Variants in ARK2N observed in about 807,000 individuals in gnomAD.
The protein encoded by ARK2N is arkadia (RNF111) N-terminal like PKA signaling regulator 2N.
At chr18:46,176,736 G>T in the ARK2N span, among the ~76,000 whole-genome samples, 2 of 151,898 alleles carry the variant, frequency 1.3e-5, no homozygotes, top group Admixed American at 6.6e-5. Flanking sequence ...TCTTGCCTCA[G>T]CCTACCAATT....
chr18:46,254,287 C>T, the ARK2N span, among the ~76,000 whole-genome samples: 9 of 152,182 alleles, frequency 5.9e-5, no homozygotes, highest in African/African-American at 2.2e-4. Context: ...AGCAAACTTG[C>T]AAGTTATTTT....
chr18:46,180,081 G>A, the ARK2N span, among the ~76,000 whole-genome samples: 5 of 152,144 alleles, frequency 3.3e-5, no homozygotes, highest in African/African-American at 1.2e-4. Flanking sequence ...TTGATAAGTT[G>A]TTTGATTAGT....
the ARK2N span, among the ~76,000 whole-genome samples, chr18:46,235,915 A>C: frequency 7.1e-6 from 1 of 141,328 alleles, no homozygotes; most frequent in Non-Finnish European, 1.6e-5. Flanking sequence ...TGAAAAGGAA[A>C]CTAATTCGTA....
At chr18:46,192,502 G>A in the ARK2N span, among the ~76,000 whole-genome samples, 4 of 152,008 alleles carry the variant, frequency 2.6e-5, no homozygotes, top group African/African-American at 9.7e-5. Flanking sequence ...GCTTGAACCC[G>A]GGAGGTGGAG....
chr18:46,214,865 G>A, the ARK2N span, among the ~76,000 whole-genome samples: 3 of 152,164 alleles, frequency 2.0e-5, no homozygotes, highest in African/African-American at 7.2e-5. Context: ...GTGGGAGCTA[G>A]GTAGGATTGA....
chr18:46,252,268 T>C, the ARK2N span, among the ~76,000 whole-genome samples: 1 of 151,178 alleles, frequency 6.6e-6, no homozygotes, highest in Non-Finnish European at 1.5e-5. Context: ...GAGTTGCATG[T>C]AAAATTTTCT....
chr18:46,189,174 C>T, the ARK2N span, among the ~76,000 whole-genome samples: 1 of 137,642 alleles, frequency 7.3e-6, no homozygotes, highest in Non-Finnish European at 1.5e-5. Context: ...AAGATTATGC[C>T]ACTGCACTCC....
the ARK2N span, among the ~76,000 whole-genome samples, chr18:46,244,359 C>T: frequency 6.6e-6 from 1 of 152,144 alleles, no homozygotes; most frequent in East Asian, 1.9e-4. Flanking sequence ...TTTCCATCAG[C>T]CTTCTTGTCA....
chr18:46,259,230 G>GCTGT, the ARK2N span, among the ~76,000 whole-genome samples: 5 of 150,380 alleles, frequency 3.3e-5, no homozygotes, highest in Admixed American at 6.6e-5. Flanking sequence ...GTCACTCTGA[G>GCTGT]CTTTCTTTCT....
the ARK2N span, chr18:46,265,507 G>A: frequency 6.6e-6 from 1 of 152,200 alleles, no homozygotes. Context: ...TTGCACTTTT[G>A]CCTCACTTAT....
chr18:46,222,336 A>G, the ARK2N span, among the ~76,000 whole-genome samples: 37 of 152,192 alleles, frequency 2.4e-4, no homozygotes, highest in African/African-American at 8.4e-4. Flanking sequence ...GTTTTTTTGA[A>G]ATTACATTAG....
the ARK2N span, among the ~76,000 whole-genome samples, chr18:46,197,865 T>G: frequency 0.43 from 65,357 of 152,060 alleles, 16,039 homozygotes; most frequent in Middle Eastern, 0.56. Flanking sequence ...TACTTTCACC[T>G]CTTTTATATT....
At chr18:46,241,728 A>C in the ARK2N span, among the ~76,000 whole-genome samples, 1 of 152,104 alleles carries the variant, frequency 6.6e-6, no homozygotes, top group African/African-American at 2.4e-5. Context: ...GTATCCCCCC[A>C]AAAAAGAAAA....
the ARK2N span, chr18:46,218,704 A>C: frequency 1.3e-5 from 2 of 152,234 alleles, no homozygotes; most frequent in African/African-American, 4.8e-5. Flanking sequence ...GAGTCACCTT[A>C]TGACTTTGGG....
the ARK2N span, among the ~76,000 whole-genome samples, chr18:46,241,603 CGTG>C: frequency 6.6e-6 from 1 of 150,608 alleles, no homozygotes; most frequent in Non-Finnish European, 1.5e-5. Context: ...TGGTGGTGGG[CGTG>C]GTGGTGGGCG....
chr18:46,254,013 A>T, the ARK2N span, among the ~76,000 whole-genome samples: 1 of 152,208 alleles, frequency 6.6e-6, no homozygotes, highest in African/African-American at 2.4e-5. Context: ...TGTGTTATAT[A>T]TTGTCTCATA....
chr18:46,196,862 T>C, the ARK2N span, among the ~76,000 whole-genome samples: 2 of 152,190 alleles, frequency 1.3e-5, no homozygotes, highest in Non-Finnish European at 2.9e-5. Context: ...TGGCTTTTAG[T>C]GGAAACCTCA....
At chr18:46,196,800 C>T in the ARK2N span, among the ~76,000 whole-genome samples, 1 of 152,270 alleles carries the variant, frequency 6.6e-6, no homozygotes, top group South Asian at 2.1e-4. Flanking sequence ...ACCTGATGGG[C>T]TGGAGGATCC....
At chr18:46,264,382 C>G in the ARK2N span, 1 of 152,774 alleles carries the variant, frequency 6.5e-6, no homozygotes, top group African/African-American at 2.4e-5. Context: ...ACTATGTACT[C>G]TGCACAGGGG....
Sources: gnomAD v4.1 joint callset for allele counts (sites outside exome capture counted in the v4.1 genomes callset) on GRCh38, gnomAD v4.1.1 for gene constraint, MANE v1.5 for transcripts, NCBI Gene and HGNC (gene_info 2026-07-23, HGNC 2026-07-21) for gene names.